TNFSF4: variants seen among roughly 807,000 people sequenced by gnomAD.
TNFSF4 encodes the protein TNF superfamily member 4, also known as tumor necrosis factor ligand superfamily member 4.
Under a neutral mutation model 7.3 loss-of-function variants are expected in TNFSF4, and 4 were observed. The ratio of observed to expected loss-of-function variants is 0.55; its 90% confidence interval spans 0.27 to 1.25. TNFSF4 has a LOEUF of 1.25. Among genes scored for constraint, TNFSF4 ranks in the 50% most tolerant of loss-of-function variants. TNFSF4 has a pLI of 0.12. For synonymous variants in TNFSF4, 76 were observed against 83.7 expected (o/e 0.91, Z 0.50); for missense variants, 181 against 208.8 (o/e 0.87, Z 0.82).
chr1:173,405,068 A>G, the TNFSF4 span, among the ~76,000 whole-genome samples: 2 of 152,146 alleles, frequency 1.3e-5, no homozygotes, highest in African/African-American at 2.4e-5. Context: ...TTCATTGTCT[A>G]TCTTCCCCTA....
At chr1:173,223,091 C>A in the TNFSF4 span, among the ~76,000 whole-genome samples, 7 of 152,116 alleles carry the variant, frequency 4.6e-5, no homozygotes, top group Admixed American at 4.6e-4. Context: ...AGCTTTTCAG[C>A]CATAATGGAA....
chr1:173,311,061 C>G, the TNFSF4 span, among the ~76,000 whole-genome samples: 1 of 151,648 alleles, frequency 6.6e-6, no homozygotes, highest in African/African-American at 2.4e-5. Context: ...GTTTTTAAAC[C>G]AAACTAATAA....
chr1:173,207,335 G>A (rs1295920918), upstream of TNFSF4: 6 of 555,890 alleles, frequency 1.1e-5, no homozygotes, highest in African/African-American at 9.6e-5. Context: ...GCGATTGAAA[G>A]AGCAAAGCGG....
chr1:173,412,812 T>C, the TNFSF4 span, among the ~76,000 whole-genome samples: 1 of 152,226 alleles, frequency 6.6e-6, no homozygotes, highest in African/African-American at 2.4e-5. Flanking sequence ...AAATGATCAG[T>C]ATCTCAATCT....
the TNFSF4 span, among the ~76,000 whole-genome samples, chr1:173,413,359 C>T: frequency 6.6e-6 from 1 of 152,168 alleles, no homozygotes; most frequent in Admixed American, 6.5e-5. Context: ...TGTGGGGGAA[C>T]TTGTTATTCT....
the TNFSF4 span, among the ~76,000 whole-genome samples, chr1:173,330,399 C>T: frequency 6.6e-6 from 1 of 151,186 alleles, no homozygotes; most frequent in Non-Finnish European, 1.5e-5. Flanking sequence ...AATATGGTTG[C>T]ACATAATTTT....
the TNFSF4 span, among the ~76,000 whole-genome samples, chr1:173,426,136 G>C: frequency 6.6e-6 from 1 of 152,162 alleles, no homozygotes; most frequent in African/African-American, 2.4e-5. Flanking sequence ...TGGGTGTGGC[G>C]TCAACTCTAA....
upstream of TNFSF4, among the ~76,000 whole-genome samples, chr1:173,208,276 A>G (rs1202625156): frequency 6.6e-6 from 1 of 152,190 alleles, no homozygotes; most frequent in African/African-American, 2.4e-5. Context: ...TGGACAACAT[A>G]AGGATGCTGG....
At chr1:173,386,995 G>A in the TNFSF4 span, among the ~76,000 whole-genome samples, 1 of 152,288 alleles carries the variant, frequency 6.6e-6, no homozygotes, top group African/African-American at 2.4e-5. Context: ...GTTTACAGCT[G>A]GAAAGCAATT....
the TNFSF4 span, among the ~76,000 whole-genome samples, chr1:173,329,276 T>G: frequency 6.6e-6 from 1 of 152,282 alleles, no homozygotes; most frequent in South Asian, 2.1e-4. Flanking sequence ...CGTATGCACA[T>G]CCTCTCATAT....
At chr1:173,357,867 C>A in the TNFSF4 span, among the ~76,000 whole-genome samples, 1 of 152,080 alleles carries the variant, frequency 6.6e-6, no homozygotes, top group Non-Finnish European at 1.5e-5. Flanking sequence ...TAGCACCTGT[C>A]CCACATAAAT....
chr1:173,382,114 G>C, the TNFSF4 span, among the ~76,000 whole-genome samples: 1 of 152,126 alleles, frequency 6.6e-6, no homozygotes, highest in Non-Finnish European at 1.5e-5. Flanking sequence ...CTCACTCTTT[G>C]GGTCCACACT....
intron 1 of TNFSF4, among the ~76,000 whole-genome samples, chr1:173,203,057 C>T (rs189454503): frequency 6.6e-6 from 1 of 152,220 alleles, no homozygotes. Flanking sequence ...GTTCAAAAAC[C>T]TTCTCCAATG....
chr1:173,213,190 C>T, the TNFSF4 span, among the ~76,000 whole-genome samples: 4 of 152,160 alleles, frequency 2.6e-5, no homozygotes, highest in Non-Finnish European at 5.9e-5. Context: ...CAAATGTGAA[C>T]TCCTGTGATG....
chr1:173,361,490 T>G, the TNFSF4 span, among the ~76,000 whole-genome samples: 1 of 151,998 alleles, frequency 6.6e-6, no homozygotes. Context: ...TCCCAGCTAC[T>G]CAGGAGGCTG....
the TNFSF4 span, among the ~76,000 whole-genome samples, chr1:173,223,850 A>C: frequency 1.3e-5 from 2 of 152,160 alleles, no homozygotes; most frequent in Admixed American, 1.3e-4. Flanking sequence ...AAGGAGAGAA[A>C]CCCCAGGGGA....
At chr1:173,373,132 T>C in the TNFSF4 span, among the ~76,000 whole-genome samples, 1 of 152,338 alleles carries the variant, frequency 6.6e-6, no homozygotes, top group South Asian at 2.1e-4. Context: ...CATGCTGCAA[T>C]ATGGAAAGAA....
the TNFSF4 span, among the ~76,000 whole-genome samples, chr1:173,290,167 T>C: frequency 6.6e-6 from 1 of 152,152 alleles, no homozygotes; most frequent in South Asian, 2.1e-4. Flanking sequence ...ACTGACACTA[T>C]AAAGCAACTA....
At chr1:173,261,019 A>G in the TNFSF4 span, among the ~76,000 whole-genome samples, 1 of 152,238 alleles carries the variant, frequency 6.6e-6, no homozygotes, top group Non-Finnish European at 1.5e-5. Flanking sequence ...TCTCCACCCC[A>G]GAACAACAGA....
Sources: allele counts gnomAD v4.1 joint callset (sites outside exome capture counted in the v4.1 genomes callset), GRCh38; gene constraint gnomAD v4.1.1; transcripts MANE v1.5; gene names NCBI Gene and HGNC (gene_info 2026-07-23, HGNC 2026-07-21).